Variants in EPHB1 observed in about 807,000 individuals in gnomAD.
The protein encoded by EPHB1 is EPH receptor B1.
EPHB1 carries 30 observed loss-of-function variants against 94.4 expected under a neutral mutation model. That is an observed-to-expected ratio of 0.32 (90% CI 0.24 to 0.43). EPHB1 has a LOEUF of 0.43. Among genes scored for constraint, EPHB1 ranks in the 20% least tolerant of loss-of-function variants. The pLI is 1.00. For synonymous variants in EPHB1, 522 were observed against 489.1 expected (o/e 1.07, Z -0.89); for missense variants, 1,055 against 1,308.3 (o/e 0.81, Z 2.99).
chr3:134,921,140 C>A (rs2038677441), intron 1 of EPHB1, among the ~76,000 whole-genome samples: 1 of 152,102 alleles, frequency 6.6e-6, no homozygotes, highest in Non-Finnish European at 1.5e-5. Context: ...GCCTTCTTAG[C>A]CTCCCTTCTC....
intron 12 of EPHB1, among the ~76,000 whole-genome samples, chr3:135,202,049 C>T (rs117204145): frequency 6.6e-6 from 1 of 152,120 alleles, no homozygotes; most frequent in Admixed American, 6.5e-5. Context: ...ATGCATGAGG[C>T]CTTCAGTCTG....
intron 15 of EPHB1, 37 bp downstream of exon 15, chr3:135,249,528 A>G (rs1932977436): frequency 1.9e-6 from 3 of 1,594,520 alleles, no homozygotes; most frequent in Admixed American, 1.7e-5. Context: ...GACCACACCT[A>G]GGGGTCAGTG....
At chr3:135,095,464 C>G (rs1188017606) in intron 3 of EPHB1, among the ~76,000 whole-genome samples, 1 of 152,200 alleles carries the variant, frequency 6.6e-6, no homozygotes, top group Admixed American at 6.5e-5. Context: ...GCTGCTGAAT[C>G]TTCCTGTAAA....
At chr3:135,060,901 T>G (rs542713261) in intron 3 of EPHB1, among the ~76,000 whole-genome samples, 99 of 152,248 alleles carry the variant, frequency 6.5e-4, no homozygotes, top group African/African-American at 2.2e-3. Flanking sequence ...TTTCTATTTT[T>G]TTTTTTGTAC....
At chr3:134,941,354 G>C (rs6799875) in intron 2 of EPHB1, among the ~76,000 whole-genome samples, 1 of 133,176 alleles carries the variant, frequency 7.5e-6, no homozygotes, top group Non-Finnish European at 1.6e-5. Context: ...AATGATCTTT[G>C]CCTGTGTGGG....
intron 12 of EPHB1, among the ~76,000 whole-genome samples, chr3:135,211,845 C>A (rs988298272): frequency 6.6e-6 from 1 of 152,178 alleles, no homozygotes; most frequent in Non-Finnish European, 1.5e-5. Flanking sequence ...GTTTGAGGTT[C>A]CCTATGCTTT....
chr3:135,161,072 G>A (rs1033764354), intron 6 of EPHB1, among the ~76,000 whole-genome samples: 8 of 152,172 alleles, frequency 5.3e-5, no homozygotes, highest in African/African-American at 1.9e-4. Flanking sequence ...CATCAAGAAA[G>A]AAAGGAGGCT....
At chr3:135,017,503 AG>A (rs1421799319) in intron 3 of EPHB1, among the ~76,000 whole-genome samples, 3 of 152,210 alleles carry the variant, frequency 2.0e-5, no homozygotes, top group African/African-American at 7.2e-5. Context: ...TGGAGTAGGC[AG>A]GGGAATCGGA....
chr3:135,235,302 T>C (rs868806466), intron 12 of EPHB1, among the ~76,000 whole-genome samples: 15 of 152,238 alleles, frequency 9.9e-5, no homozygotes, highest in South Asian at 4.1e-4. Context: ...CCATGACTTA[T>C]GTCGGATTGA....
At chr3:135,046,856 A>G (rs1296330258) in intron 3 of EPHB1, among the ~76,000 whole-genome samples, 4 of 152,226 alleles carry the variant, frequency 2.6e-5, no homozygotes, top group African/African-American at 7.2e-5. Flanking sequence ...CTTAGTGACA[A>G]TGCCTGAACA....
intron 3 of EPHB1, among the ~76,000 whole-genome samples, chr3:135,025,217 A>ATTTT (rs1936117096): frequency 3.5e-5 from 3 of 86,754 alleles, no homozygotes; most frequent in Non-Finnish European, 7.2e-5. Flanking sequence ...TTATTTATTT[A>ATTTT]TTTATTATTA....
intron 3 of EPHB1, among the ~76,000 whole-genome samples, chr3:135,075,447 T>C (rs1422823384): frequency 1.3e-5 from 2 of 152,188 alleles, no homozygotes; most frequent in Admixed American, 1.3e-4. Flanking sequence ...CCCGTCTGTT[T>C]CATCATGCAA....
At chr3:134,817,239 C>T (rs1291880345) in intron 1 of EPHB1, among the ~76,000 whole-genome samples, 2 of 152,080 alleles carry the variant, frequency 1.3e-5, no homozygotes, top group Non-Finnish European at 2.9e-5. Context: ...TCTCTGTGGC[C>T]CCAGGAATTG....
In EPHB1 at chr3:134,795,553, G is replaced by A. The variant is rs377240945; in HGVS notation, c.-79G>A. On this transcript the variant is annotated 5_prime_UTR_variant, in exon 1 of 16. Transcript: ENST00000398015. ...TACCGAGAAGCCACCCGCGGAGAGC[G>A]CAGCGGCGCCCTGGGACGCGGCGCT... The A allele has an allele frequency of 7.1e-7, 1 of 1,399,800 alleles. No homozygotes were observed. Among genetic ancestry groups the A allele is most frequent in the Non-Finnish European group, 9.9e-7 (1 of 1,013,658 alleles). The allele number at this position is 1,399,800 out of a possible 1,614,324, so 86.7% of individuals were successfully genotyped here. A position where few individuals can be genotyped will look rare whatever the true frequency, so the allele number is the denominator to read the frequency against.
At chr3:135,035,954 G>A (rs1339401177) in intron 3 of EPHB1, among the ~76,000 whole-genome samples, 1 of 152,154 alleles carries the variant, frequency 6.6e-6, no homozygotes, top group African/African-American at 2.4e-5. Flanking sequence ...AAGAAAAGAG[G>A]GGCATAAGTG....
intron 3 of EPHB1, among the ~76,000 whole-genome samples, chr3:135,066,669 A>G (rs1553728432): frequency 6.6e-6 from 1 of 152,126 alleles, no homozygotes; most frequent in Non-Finnish European, 1.5e-5. Flanking sequence ...GATTAGCATA[A>G]TAACTAACCT....
At chr3:134,913,228 A>T (rs950490497) in intron 1 of EPHB1, among the ~76,000 whole-genome samples, 2 of 152,072 alleles carry the variant, frequency 1.3e-5, no homozygotes, top group African/African-American at 4.8e-5. Context: ...AGTGGTGGGG[A>T]GCACACAGAG....
intron 3 of EPHB1, among the ~76,000 whole-genome samples, chr3:134,998,965 T>G (rs559159414): frequency 6.6e-6 from 1 of 152,184 alleles, no homozygotes; most frequent in Non-Finnish European, 1.5e-5. Flanking sequence ...GAAGTCACAG[T>G]CAGAGAGGCA....
chr3:134,877,637 T>C (rs2037643219), intron 1 of EPHB1, among the ~76,000 whole-genome samples: 3 of 152,140 alleles, frequency 2.0e-5, no homozygotes, highest in Admixed American at 1.3e-4. Flanking sequence ...ATAATTTACT[T>C]CTCTTATAAA....
Sources: allele counts gnomAD v4.1 joint callset (sites outside exome capture counted in the v4.1 genomes callset), GRCh38; gene constraint gnomAD v4.1.1; transcripts MANE v1.5; gene names NCBI Gene and HGNC (gene_info 2026-07-23, HGNC 2026-07-21).